DAP: variants seen among roughly 807,000 people sequenced by gnomAD.
The protein encoded by DAP is death-associated protein 1.
DAP carries 8 observed loss-of-function variants against 13.8 expected under a neutral mutation model. The ratio of observed to expected loss-of-function variants is 0.58; its 90% CI spans 0.34 to 1.05. DAP has a LOEUF of 1.05. Ranked by LOEUF, DAP falls within the 50% of genes least tolerant of loss-of-function variation. The pLI is 0.03. For missense variants in DAP, 106 were observed against 133.2 expected (o/e 0.80, Z 1.01); for synonymous variants, 47 against 47.5 (o/e 0.99, Z 0.04).
chr5:10,699,340 G>A (rs896386779), intron 2 of DAP, among the ~76,000 whole-genome samples: 10 of 152,178 alleles, frequency 6.6e-5, no homozygotes, highest in African/African-American at 1.4e-4. Context: ...GCTTGTCTCC[G>A]CTTCTTATCA....
At chr5:10,738,480 C>T (rs1442004403) in intron 2 of DAP, among the ~76,000 whole-genome samples, 1 of 152,116 alleles carries the variant, frequency 6.6e-6, no homozygotes, top group African/African-American at 2.4e-5. Flanking sequence ...AAGGACAAGA[C>T]CTCGCTTCTG....
At chr5:10,710,935 G>A (rs1945033934) in intron 2 of DAP, among the ~76,000 whole-genome samples, 1 of 152,230 alleles carries the variant, frequency 6.6e-6, no homozygotes, top group Admixed American at 6.5e-5. Flanking sequence ...TGTCCGCAGA[G>A]GCACGGTGTG....
rs1175658780 is a variant in DAP at position 10,722,555 on chromosome 5, C to T, written c.152+25620G>A. Among the ~76,000 whole-genome samples, 8 of 140,644 alleles carry T rather than the reference C, an allele frequency of 5.7e-5. No homozygotes were observed. The East Asian group carries it at 1.6e-3, about 28-fold the overall frequency. 92.3% of individuals were successfully genotyped at this position (140,644 alleles called of 152,430 possible). A position where few individuals can be genotyped will look rare whatever the true frequency, so the allele number is the denominator to read the frequency against. Reference sequence around the variant, plus strand: ...GCATATATATACATATATACATATACATGCATATATATACATACATACATA... The same window carrying T: ...GCATATATATACATATATACATATATATGCATATATATACATACATACATA... On this transcript the variant is annotated intron_variant, in intron 2 of 3. Transcript: ENST00000230895.
At chr5:10,694,738 A>G (rs1196884319) in intron 2 of DAP, among the ~76,000 whole-genome samples, 2 of 152,332 alleles carry the variant, frequency 1.3e-5, no homozygotes, top group East Asian at 3.9e-4. Flanking sequence ...CTGCCCATAC[A>G]AAGTGAATGG....
intron 2 of DAP, among the ~76,000 whole-genome samples, chr5:10,715,427 G>C (rs5745224): frequency 0.044 from 6,759 of 152,232 alleles, 200 homozygotes; most frequent in Middle Eastern, 0.088. Context: ...GCCACACCTT[G>C]CACCACTCCA....
intron 1 of DAP, among the ~76,000 whole-genome samples, chr5:10,759,143 T>A (rs1740273942): frequency 6.6e-6 from 1 of 152,244 alleles, no homozygotes; most frequent in Non-Finnish European, 1.5e-5. Flanking sequence ...GCCAAGATCG[T>A]GCCACTGCAC....
chr5:10,683,727 A>G (rs1349122083), intron 2 of DAP, among the ~76,000 whole-genome samples, 156 bp from the exon 3 acceptor site: 1 of 152,230 alleles, frequency 6.6e-6, no homozygotes, highest in African/African-American at 2.4e-5. Context: ...TAATGATCAC[A>G]CTACGGGGCT....
At chr5:10,735,635 G>A (rs1414682015) in intron 2 of DAP, among the ~76,000 whole-genome samples, 1 of 152,200 alleles carries the variant, frequency 6.6e-6, no homozygotes, top group African/African-American at 2.4e-5. Context: ...TTGATGGAGT[G>A]TGTGATCAAA....
intron 2 of DAP, among the ~76,000 whole-genome samples, chr5:10,722,488 C>T (rs527441782): frequency 1.2e-3 from 176 of 149,832 alleles, no homozygotes; most frequent in Middle Eastern, 3.4e-3. Flanking sequence ...AACTCTCTCT[C>T]TATATATATA....
chr5:10,734,563 AG>A (rs1739556151), intron 2 of DAP, among the ~76,000 whole-genome samples: 1 of 152,160 alleles, frequency 6.6e-6, no homozygotes, highest in South Asian at 2.1e-4. Context: ...CCTCCAGGAC[AG>A]GAGGAATCAG....
intron 2 of DAP, among the ~76,000 whole-genome samples, chr5:10,746,416 G>C (rs145420257): frequency 6.7e-6 from 1 of 148,382 alleles, no homozygotes; most frequent in African/African-American, 2.5e-5. Context: ...TGCAACCTCC[G>C]CCTCCTGAGT....
chr5:10,683,696 TCTC>T (rs901409653), intron 2 of DAP, 125 bp from the exon 3 acceptor site: 1 of 839,970 alleles, frequency 1.2e-6, no homozygotes, highest in African/African-American at 1.7e-5. Flanking sequence ...GAAGCAAACC[TCTC>T]CTCTGCGTTA....
chr5:10,685,316 T>C (rs752219443), intron 2 of DAP, among the ~76,000 whole-genome samples: 19 of 152,268 alleles, frequency 1.2e-4, no homozygotes, highest in Non-Finnish European at 2.2e-4. Context: ...ATAGGATTAA[T>C]AGTCGGCCAG....
chr5:10,734,973 G>A (rs1739568775), intron 2 of DAP, among the ~76,000 whole-genome samples: 1 of 152,166 alleles, frequency 6.6e-6, no homozygotes, highest in Non-Finnish European at 1.5e-5. Context: ...GGGAAGCCGT[G>A]GGGCCGCCAC....
In DAP at chr5:10,751,205, C is replaced by T. The variant is rs112522881; in HGVS notation, c.56-2934G>A. 3.8e-3 allele frequency among the ~76,000 whole-genome samples: 573 copies of T among 152,252 alleles called. 6 individuals carry two copies. Among genetic ancestry groups the T allele is most frequent in the African/African-American group, 0.013 (536 of 41,544 alleles). ...AAGGTCTGAATTTCAGTTCCTTCTT[C>T]GTTTTGGGTTTCCAGGAATTCCTTT... On this transcript the variant is annotated intron_variant, in intron 1 of 3. Coordinates refer to ENST00000230895, the MANE Select transcript of DAP (RefSeq NM_004394.3).
intron 1 of DAP, 132 bp downstream of exon 1, chr5:10,760,882 G>A (rs1478845341): frequency 2.1e-6 from 1 of 470,780 alleles, no homozygotes; most frequent in Non-Finnish European, 3.1e-6. Flanking sequence ...CGCGCCCCTC[G>A]GGCGGGCATC....
At chr5:10,740,243 G>T (rs536913453) in intron 2 of DAP, among the ~76,000 whole-genome samples, 32 of 152,300 alleles carry the variant, frequency 2.1e-4, no homozygotes, top group Admixed American at 1.1e-3. Flanking sequence ...CACTGAAATA[G>T]GAGAGGAAAA....
intron 2 of DAP, among the ~76,000 whole-genome samples, chr5:10,718,262 G>A (rs994944437): frequency 2.0e-5 from 3 of 152,150 alleles, no homozygotes; most frequent in African/African-American, 4.8e-5. Flanking sequence ...TGTCATTAAC[G>A]GAGCTTTAGC....
intron 2 of DAP, among the ~76,000 whole-genome samples, chr5:10,731,811 C>T (rs950197118): frequency 1.4e-4 from 22 of 152,354 alleles, no homozygotes; most frequent in Admixed American, 3.9e-4. Flanking sequence ...CCTCTCAATG[C>T]CACTTGTCTG....
Sources: allele counts gnomAD v4.1 joint callset (sites outside exome capture counted in the v4.1 genomes callset), GRCh38; gene constraint gnomAD v4.1.1; transcripts MANE v1.5; gene names NCBI Gene and HGNC (gene_info 2026-07-23, HGNC 2026-07-21).